The following CNTNAP2 variants were observed in gnomAD, a reference collection of about 807,000 sequenced individuals.
CNTNAP2 encodes the protein contactin associated protein 2, also known as contactin-associated protein-like 2.
Under a neutral mutation model 155.2 loss-of-function variants are expected in CNTNAP2, and 98 were observed. The observed-to-expected ratio is 0.63, with a 90% CI of 0.54 to 0.75. The LOEUF is 0.75. Among genes scored for constraint, CNTNAP2 ranks in the 30% least tolerant of loss-of-function variants. The pLI is 0.00. For synonymous variants in CNTNAP2, 651 were observed against 631.2 expected, an observed-to-expected ratio of 1.03 and a Z score of -0.47; for missense variants, 1,727 against 1,688.1, an observed-to-expected ratio of 1.02 and a Z score of -0.40.
intron 13 of CNTNAP2, among the ~76,000 whole-genome samples, chr7:147,848,127 A>G (rs1258581855): frequency 1.5e-5 from 2 of 133,534 alleles, no homozygotes; most frequent in African/African-American, 2.7e-5. Flanking sequence ...GGCTCCACCC[A>G]GTTGGAGCTT....
At chr7:146,753,021 G>T (rs1350965771) in intron 1 of CNTNAP2, among the ~76,000 whole-genome samples, 1 of 152,124 alleles carries the variant, frequency 6.6e-6, no homozygotes, top group Non-Finnish European at 1.5e-5. Flanking sequence ...AGAGTTCATA[G>T]AGCCTGACTT....
At chr7:147,103,124 C>T (rs1380133878) in intron 4 of CNTNAP2, among the ~76,000 whole-genome samples, 6 of 152,060 alleles carry the variant, frequency 3.9e-5, no homozygotes, top group Non-Finnish European at 8.8e-5. Context: ...ATATGAGTGA[C>T]AACATTCACA....
intron 8 of CNTNAP2, among the ~76,000 whole-genome samples, chr7:147,170,652 C>A (rs1249019484): frequency 6.6e-6 from 1 of 152,160 alleles, no homozygotes; most frequent in Non-Finnish European, 1.5e-5. Flanking sequence ...TAGGATCCAA[C>A]CCTGCAGTGC....
At chr7:147,835,970 C>A (rs1798626718) in intron 13 of CNTNAP2, among the ~76,000 whole-genome samples, 1 of 152,170 alleles carries the variant, frequency 6.6e-6, no homozygotes, top group Non-Finnish European at 1.5e-5. Context: ...CCTGCTGAGG[C>A]CTCCATTGTG....
intron 13 of CNTNAP2, among the ~76,000 whole-genome samples, chr7:147,789,351 A>G (rs1406662719): frequency 6.6e-6 from 1 of 152,086 alleles, no homozygotes; most frequent in Non-Finnish European, 1.5e-5. Context: ...TGGTCGTTCT[A>G]TTTACTACAT....
chr7:148,404,066 C>A (rs1799646754), intron 22 of CNTNAP2, among the ~76,000 whole-genome samples: 1 of 152,206 alleles, frequency 6.6e-6, no homozygotes, highest in African/African-American at 2.4e-5. Flanking sequence ...TTAGTTGAGA[C>A]TAGGCATCTG....
intron 8 of CNTNAP2, among the ~76,000 whole-genome samples, chr7:147,152,634 T>TAAC (rs898176634): frequency 8.5e-5 from 13 of 152,120 alleles, no homozygotes; most frequent in Non-Finnish European, 1.9e-4. Context: ...GTTGAGGAGA[T>TAAC]AACTGCATAA....
intron 21 of CNTNAP2, among the ~76,000 whole-genome samples, chr7:148,301,167 G>A (rs1030023484): frequency 2.6e-5 from 4 of 151,582 alleles, no homozygotes; most frequent in Admixed American, 6.6e-5. Context: ...GGTGGCATGC[G>A]CCTGTAATCC....
chr7:148,312,452 T>C (rs1312131453), intron 21 of CNTNAP2, among the ~76,000 whole-genome samples: 1 of 152,196 alleles, frequency 6.6e-6, no homozygotes, highest in East Asian at 1.9e-4. Flanking sequence ...TTGCTGAGCC[T>C]GATGGGTGTG....
At chr7:146,308,339 A>G (rs1800756946) in intron 1 of CNTNAP2, among the ~76,000 whole-genome samples, 1 of 152,208 alleles carries the variant, frequency 6.6e-6, no homozygotes, top group African/African-American at 2.4e-5. Flanking sequence ...CAGGTGCTGG[A>G]GAGGATGTGG....
intron 14 of CNTNAP2, among the ~76,000 whole-genome samples, chr7:147,959,731 G>T (rs568069810): frequency 6.6e-6 from 1 of 152,104 alleles, no homozygotes; most frequent in East Asian, 1.9e-4. Context: ...TTGCCATGGC[G>T]ATGGTAAACT....
At chr7:148,323,516 T>G (rs71532725) in intron 21 of CNTNAP2, among the ~76,000 whole-genome samples, 2 of 152,018 alleles carry the variant, frequency 1.3e-5, no homozygotes, top group Non-Finnish European at 2.9e-5. Context: ...TGGTTAATGT[T>G]AGAGAAATTG....
chr7:146,550,898 G>A (rs1426391675), intron 1 of CNTNAP2, among the ~76,000 whole-genome samples: 1 of 151,998 alleles, frequency 6.6e-6, no homozygotes, highest in Non-Finnish European at 1.5e-5. Flanking sequence ...CACCTGAAGA[G>A]AATCTGGAAT....
At chr7:147,893,785 C>T (rs1433307210) in intron 13 of CNTNAP2, among the ~76,000 whole-genome samples, 1 of 152,202 alleles carries the variant, frequency 6.6e-6, no homozygotes, top group Admixed American at 6.5e-5. Flanking sequence ...CTTCAGCTAC[C>T]ATGGCCCAGA....
intron 13 of CNTNAP2, among the ~76,000 whole-genome samples, chr7:147,874,688 G>A (rs547382291): frequency 1.3e-5 from 2 of 152,326 alleles, no homozygotes; most frequent in East Asian, 3.9e-4. Context: ...TTGTTTGTTT[G>A]TTTATGCAAA....
At chr7:147,699,538 G>A (rs1214506688) in intron 13 of CNTNAP2, among the ~76,000 whole-genome samples, 1 of 151,924 alleles carries the variant, frequency 6.6e-6, no homozygotes, top group African/African-American at 2.4e-5. Flanking sequence ...ATCATGGCAT[G>A]TGTATACCTA....
At chr7:146,170,887 C>A (rs1323664620) in intron 1 of CNTNAP2, among the ~76,000 whole-genome samples, 1 of 152,050 alleles carries the variant, frequency 6.6e-6, no homozygotes, top group African/African-American at 2.4e-5. Flanking sequence ...ATTAGCCAGA[C>A]ATAGTGTTGG....
intron 3 of CNTNAP2, among the ~76,000 whole-genome samples, chr7:146,954,720 A>G (rs1195070031): frequency 6.6e-6 from 1 of 151,688 alleles, no homozygotes; most frequent in Non-Finnish European, 1.5e-5. Context: ...CAAGAAAAAA[A>G]TTTCTCTATT....
At chr7:147,966,789 T>C (rs541742238) in intron 14 of CNTNAP2, among the ~76,000 whole-genome samples, 34 of 152,254 alleles carry the variant, frequency 2.2e-4, no homozygotes, top group Non-Finnish European at 2.4e-4. Context: ...ATGTGTGGAA[T>C]GAAGCCAGCC....
Sources: allele counts gnomAD v4.1 joint callset (sites outside exome capture counted in the v4.1 genomes callset), GRCh38; gene constraint gnomAD v4.1.1; transcripts MANE v1.5; gene names NCBI Gene and HGNC (gene_info 2026-07-23, HGNC 2026-07-21).